The following ANK3 variants were observed in gnomAD, a reference collection of about 807,000 sequenced individuals.
ANK3 encodes the protein ankyrin-3.
In ANK3, 57 loss-of-function variants were observed where a neutral mutation model predicts 370.9. That is an observed-to-expected ratio of 0.15 (90% confidence interval 0.12 to 0.19). The LOEUF (loss-of-function observed/expected upper bound fraction) is 0.19, where lower values mean the gene tolerates loss of function less well. ANK3 is among the 10% of genes least tolerant of loss of function. The pLI, the probability that ANK3 is intolerant of heterozygous loss-of-function variation, is 1.00. For missense variants in ANK3, 4,439 were observed against 5,302.1 expected (o/e 0.84, Z 5.06); for synonymous variants, 1,929 against 1,946.3 (o/e 0.99, Z 0.23).
intron 26 of ANK3, among the ~76,000 whole-genome samples, chr10:60,110,297 G>GGCA (rs2092606086): frequency 6.6e-6 from 1 of 152,104 alleles, no homozygotes; most frequent in African/African-American, 2.4e-5. Flanking sequence ...GATCCCCACA[G>GGCA]GCAGAGGCAA....
At chr10:60,091,099 T>G (rs2088247387) in intron 28 of ANK3, among the ~76,000 whole-genome samples, 1 of 152,200 alleles carries the variant, frequency 6.6e-6, no homozygotes, top group Admixed American at 6.5e-5. Context: ...GAGACAGGGT[T>G]TCACCATGTT....
At chr10:60,408,242 TTTAA>T (rs1467522374) in intron 2 of ANK3, among the ~76,000 whole-genome samples, 2 of 152,194 alleles carry the variant, frequency 1.3e-5, no homozygotes, top group Non-Finnish European at 2.9e-5. Context: ...CCCACCCATG[TTTAA>T]TTGTCACCTC....
At chr10:60,561,909 C>T (rs2077344082) in intron 2 of ANK3, among the ~76,000 whole-genome samples, 1 of 152,158 alleles carries the variant, frequency 6.6e-6, no homozygotes, top group Non-Finnish European at 1.5e-5. Flanking sequence ...CTGTAGCAGC[C>T]TCTTGTGTAA....
At chr10:60,258,317 T>C (rs1265295666) in intron 7 of ANK3, among the ~76,000 whole-genome samples, 1 of 152,206 alleles carries the variant, frequency 6.6e-6, no homozygotes, top group African/African-American at 2.4e-5. Flanking sequence ...CCCATGAGCC[T>C]GAATAGATCT....
At position 60,172,384 on chromosome 10, in the gene ANK3, C is replaced by A. The variant is rs540732328; in HGVS notation, c.2402G>T (p.Gly801Val). 2 of 1,613,858 alleles carry A rather than the reference C, an allele frequency of 1.2e-6. No individual in the cohort carries two copies. Among genetic ancestry groups the A allele is most frequent in the African/African-American group, 2.7e-5 (2 of 74,926 alleles). The part of the protein sequence containing the change: ...ELTVNGNTAL[G>V]IARRLGYISV... ...GATGTAGCCGAGGCGCCGGGCAATG[C>A]CAAGGGCAGTATTCCCATTCTGGCA... is the stretch of plus-strand genomic sequence containing the variant. Residue 801 changes from glycine (G) to valine (V), a missense_variant, in exon 21 of 44, where the codon GGC becomes GTC. By Grantham distance (109) the Gly-to-Val change is moderately radical. Transcript: ENST00000280772.
chr10:60,524,449 T>G (rs186549064), intron 2 of ANK3, among the ~76,000 whole-genome samples: 1 of 152,190 alleles, frequency 6.6e-6, no homozygotes, highest in Non-Finnish European at 1.5e-5. Context: ...TGAGGGCTGG[T>G]CTTTCCCATG....
At chr10:60,149,024 C>A (rs75686970) in intron 23 of ANK3, among the ~76,000 whole-genome samples, 1 of 152,184 alleles carries the variant, frequency 6.6e-6, no homozygotes, top group Non-Finnish European at 1.5e-5. Flanking sequence ...AAAGAAGTAC[C>A]AGGCTCGTGT....
At chr10:60,282,633 C>T (rs1213187412) in intron 1 of ANK3, among the ~76,000 whole-genome samples, 1 of 152,168 alleles carries the variant, frequency 6.6e-6, no homozygotes, top group African/African-American at 2.4e-5. Context: ...ATACAAAATT[C>T]TCTGGTGGAC....
intron 38 of ANK3, among the ~76,000 whole-genome samples, chr10:60,064,681 A>G (rs5020642): frequency 0.32 from 11,558 of 35,962 alleles, 586 homozygotes; most frequent in Non-Finnish European, 0.37. Flanking sequence ...AGCAACAACA[A>G]CAACAACAAC....
At chr10:60,352,096 G>A (rs944401254) in intron 1 of ANK3, among the ~76,000 whole-genome samples, 1 of 152,180 alleles carries the variant, frequency 6.6e-6, no homozygotes, top group Non-Finnish European at 1.5e-5. Flanking sequence ...GGGAGTTCGA[G>A]ACCAGTCTGG....
At position 60,733,052 on chromosome 10, in the gene ANK3, C is replaced by T. The variant is rs571677385; in HGVS notation, c.57+211G>A. Reference sequence around the variant, plus strand: ...CCGAGTTCGAGCTCTCGCCTCTGTCCCGGGCCGCAACTTCCAGGCGCAACT... The same window carrying T: ...CCGAGTTCGAGCTCTCGCCTCTGTCTCGGGCCGCAACTTCCAGGCGCAACT... On this transcript the variant is annotated intron_variant, in intron 1 of 43. Transcript: ENST00000373827. 1.5e-4 allele frequency among the ~76,000 whole-genome samples: 23 copies of T among 151,990 alleles called. No homozygotes were observed. In the South Asian group the frequency reaches 4.6e-3, roughly 30 times the overall value.
rs370104908 is a variant in ANK3 at position 60,096,276 on chromosome 10, G to A, written c.3329-7918C>T. Reference sequence around the variant, plus strand: ...GCCTGATAATGTAAAAATGAACAGTGCCAATATTCTTTCTGGGATTGAACT... The same window carrying A: ...GCCTGATAATGTAAAAATGAACAGTACCAATATTCTTTCTGGGATTGAACT... On this transcript the variant is annotated intron_variant, in intron 28 of 43. Coordinates refer to ENST00000280772, the MANE Select transcript of ANK3 (RefSeq NM_020987.5). Among the ~76,000 whole-genome samples the A allele has an allele frequency of 1.4e-4, 22 of 152,214 alleles. No individual in the cohort carries two copies. The South Asian group carries it at 4.6e-3, about 32-fold the overall frequency.
At chr10:60,234,070 A>C (rs1367263355) in intron 8 of ANK3, among the ~76,000 whole-genome samples, 2 of 152,224 alleles carry the variant, frequency 1.3e-5, no homozygotes, top group Non-Finnish European at 2.9e-5. Context: ...TGTAGCATGC[A>C]ACAAGATTTC....
At chr10:60,336,082 T>C (rs1044965921) in intron 1 of ANK3, among the ~76,000 whole-genome samples, 6 of 149,752 alleles carry the variant, frequency 4.0e-5, no homozygotes, top group African/African-American at 2.5e-5. Flanking sequence ...ATTTTTAACA[T>C]AGTTTGGCGG....
At chr10:60,242,151 TAC>T (rs1294933022) in intron 7 of ANK3, among the ~76,000 whole-genome samples, 1 of 152,184 alleles carries the variant, frequency 6.6e-6, no homozygotes, top group African/African-American at 2.4e-5. Flanking sequence ...GTCTCTAACC[TAC>T]TCCTGGAAGG....
chr10:60,043,251 T>C, intron 42 of ANK3: 1 of 985,648 alleles, frequency 1.0e-6, no homozygotes, highest in Non-Finnish European at 1.2e-6. Context: ...AATCCTCTCT[T>C]CACTGAGCAT....
rs537824934 is a variant in ANK3 at position 60,359,515 on chromosome 10, G to T, written c.114+29910C>A. 5.9e-5 allele frequency among the ~76,000 whole-genome samples: 9 copies of T among 152,248 alleles called. No homozygotes were observed. The South Asian group carries it at 1.0e-3, about 18-fold the overall frequency. On this transcript the variant is annotated intron_variant, in intron 1 of 43. Transcript: ENST00000280772. ...CCTATCATATACCAGTCAGTTTGAG[G>T]TTCTTTTAAGCATTTGTCACATGTA...
At chr10:60,038,348 T>G (rs2075487925) in intron 43 of ANK3, among the ~76,000 whole-genome samples, 1 of 152,138 alleles carries the variant, frequency 6.6e-6, no homozygotes, top group South Asian at 2.1e-4. Flanking sequence ...AATGAGCCGA[T>G]ATTGTGCTAC....
intron 18 of ANK3, among the ~76,000 whole-genome samples, chr10:60,178,843 T>C (rs756894186): frequency 1.3e-5 from 2 of 152,032 alleles, no homozygotes; most frequent in Non-Finnish European, 2.9e-5. Flanking sequence ...GCTTCATCTC[T>C]ATCAAACAAC....
Sources: allele counts gnomAD v4.1 joint callset (sites outside exome capture counted in the v4.1 genomes callset), GRCh38; gene constraint gnomAD v4.1.1; transcripts MANE v1.5; gene names NCBI Gene and HGNC (gene_info 2026-07-23, HGNC 2026-07-21).